Variants in PACRGL observed in about 807,000 individuals in gnomAD.
The protein encoded by PACRGL is PACRG-like protein.
Under a neutral mutation model 34.5 loss-of-function variants are expected in PACRGL, and 38 were observed. The ratio of observed to expected loss-of-function variants is 1.10; its 90% confidence interval spans 0.85 to 1.44. The LOEUF is 1.44. Ranked by LOEUF, PACRGL falls within the 40% of genes most tolerant of loss-of-function variation. The pLI, the probability that PACRGL is intolerant of heterozygous loss-of-function variation, is 0.00. For synonymous variants in PACRGL, 128 were observed against 100.1 expected, an observed-to-expected ratio of 1.28 and a Z score of -1.66; for missense variants, 305 against 281.4, an observed-to-expected ratio of 1.08 and a Z score of -0.60.
chr4:20,717,285 C>T (rs991902629), intron 7 of PACRGL, among the ~76,000 whole-genome samples: 5 of 152,048 alleles, frequency 3.3e-5, no homozygotes, highest in Admixed American at 6.6e-5. Flanking sequence ...CTGTAGGTTG[C>T]CTGTTCACTC....
At chr4:20,733,382 C>T (rs1560407886), downstream of PACRGL, among the ~76,000 whole-genome samples, 1 of 152,144 alleles carries the variant, frequency 6.6e-6, no homozygotes, top group Non-Finnish European at 1.5e-5. Context: ...TTTGCCTTAC[C>T]ACTTTCATTC....
chr4:20,699,732 T>A (rs1731513489), upstream of PACRGL, among the ~76,000 whole-genome samples: 1 of 152,128 alleles, frequency 6.6e-6, no homozygotes, highest in Non-Finnish European at 1.5e-5. Context: ...GGCTTGGACT[T>A]AACTATGACA....
chr4:20,712,745 A>T, intron 5 of PACRGL, 43 bp from the exon 6 acceptor site: 1 of 1,363,190 alleles, frequency 7.3e-7, no homozygotes, highest in Non-Finnish European at 9.6e-7. Flanking sequence ...TATTAGCATA[A>T]TGAAATGGGT....
At chr4:20,696,986 T>C (rs1394889665), upstream of PACRGL, among the ~76,000 whole-genome samples, 1 of 152,238 alleles carries the variant, frequency 6.6e-6, no homozygotes, top group African/African-American at 2.4e-5. Flanking sequence ...ACATGATTCT[T>C]TCCACCTTTA....
At chr4:20,755,777 T>C (rs181711243), downstream of PACRGL, among the ~76,000 whole-genome samples, 373 of 152,118 alleles carry the variant, frequency 2.5e-3, 1 homozygote, top group African/African-American at 8.5e-3. Flanking sequence ...GAGATAGATA[T>C]TTGGGAGAAG....
intron 8 of PACRGL, among the ~76,000 whole-genome samples, 188 bp downstream of exon 8, chr4:20,725,076 C>T (rs1443000870): frequency 2.0e-5 from 3 of 152,070 alleles, no homozygotes; most frequent in East Asian, 1.9e-4. Flanking sequence ...TCAAGCCCTG[C>T]GACTCAGACC....
rs957508067 is a variant in PACRGL, at chr4:20,730,456, G to A, written c.*3115G>A. Reference sequence around the variant, plus strand: ...TACAGAGGTGCAGAGGTGTGTCAAAGCAAATGAGAATTTTGGCATTCTATG... The same window carrying A: ...TACAGAGGTGCAGAGGTGTGTCAAAACAAATGAGAATTTTGGCATTCTATG... On this transcript the variant is annotated 3_prime_UTR_variant, in exon 9 of 9. Transcript: ENST00000503585. Among the ~76,000 whole-genome samples, 1 of 151,862 alleles carries A rather than the reference G, an allele frequency of 6.6e-6. No individual in the cohort carries two copies. Among genetic ancestry groups the A allele is most frequent in the Non-Finnish European group, 1.5e-5 (1 of 68,018 alleles).
At chr4:20,725,473 A>G (rs1745264736) in intron 8 of PACRGL, among the ~76,000 whole-genome samples, 2 of 152,200 alleles carry the variant, frequency 1.3e-5, no homozygotes, top group Non-Finnish European at 2.9e-5. Context: ...GTATGGTGTC[A>G]GATTACTAGA....
chr4:20,723,933 C>G (rs913755314), intron 7 of PACRGL, among the ~76,000 whole-genome samples: 13 of 152,268 alleles, frequency 8.5e-5, no homozygotes, highest in Middle Eastern at 3.4e-3. Flanking sequence ...ATCGGATCCC[C>G]TTCGTCCCTC....
chr4:20,732,068 T>C lies in PACRGL; in HGVS notation c.*4727T>C, dbSNP rs1340470997. On this transcript the variant is annotated 3_prime_UTR_variant, in exon 9 of 9. Coordinates refer to ENST00000503585, the MANE Select transcript of PACRGL (RefSeq NM_001258345.3). ...ACCCCATCTTTATTTTTGTCCATTT[T>C]CTGTTCAGGAAGAAAACAAAAATTG... The C allele has an allele frequency of 6.3e-7, 1 of 1,593,424 alleles. No homozygotes were observed. The highest frequency in any genetic ancestry group is 8.5e-7 in the Non-Finnish European group (1 of 1,172,328).
rs1310604767 is a variant in PACRGL at position 20,710,806 on chromosome 4, A to C, written c.366+1033A>C. Among the ~76,000 whole-genome samples the C allele has an allele frequency of 4.2e-5, 6 of 144,112 alleles. No homozygotes were observed. The South Asian group carries it at 1.3e-3, about 32-fold the overall frequency. 94.5% of individuals were successfully genotyped at this position (144,112 alleles called of 152,430 possible). On this transcript the variant is annotated intron_variant, in intron 5 of 8. Coordinates refer to ENST00000503585, the MANE Select transcript of PACRGL (RefSeq NM_001258345.3). Reference sequence around the variant, plus strand: ...TAACCAGTTACTAGCAAAAACTATAAGTTTTTGTTTTTCTTAATTTATTGC... The same window carrying C: ...TAACCAGTTACTAGCAAAAACTATACGTTTTTGTTTTTCTTAATTTATTGC...
chr4:20,700,236 G>A (rs1731582812), upstream of PACRGL, among the ~76,000 whole-genome samples: 1 of 152,206 alleles, frequency 6.6e-6, no homozygotes, highest in African/African-American at 2.4e-5. Flanking sequence ...CTGCTCTCCG[G>A]ACCTCTTATT....
At chr4:20,738,927 A>C (rs904462899) in intron 8 of PACRGL, among the ~76,000 whole-genome samples, 8 of 152,228 alleles carry the variant, frequency 5.3e-5, no homozygotes, top group African/African-American at 1.9e-4. Context: ...CAAACGGCAC[A>C]CCAGGAGATT....
chr4:20,730,077 A>G lies in PACRGL; in HGVS notation c.*2736A>G. The G allele has an allele frequency of 1.2e-6, 2 of 1,607,696 alleles. No individual in the cohort carries two copies. Among genetic ancestry groups the G allele is most frequent in the Non-Finnish European group, 1.7e-6 (2 of 1,177,856 alleles). Reference sequence around the variant, plus strand: ...GTCTGTTGGATTCAGGATCTATTTGACAAGTTAAATCACATTTTCAAAGAG... The same window carrying G: ...GTCTGTTGGATTCAGGATCTATTTGGCAAGTTAAATCACATTTTCAAAGAG... On this transcript the variant is annotated 3_prime_UTR_variant, in exon 9 of 9. Coordinates refer to ENST00000503585, the MANE Select transcript of PACRGL (RefSeq NM_001258345.3).
At chr4:20,756,172 TAAAA>T (rs61417409), downstream of PACRGL, among the ~76,000 whole-genome samples, 4 of 139,310 alleles carry the variant, frequency 2.9e-5, no homozygotes, top group Non-Finnish European at 6.3e-5. Context: ...TGGAAAGTAG[TAAAA>T]AAAAAAAAAG....
At position 20,727,424 on chromosome 4, in the gene PACRGL, T is replaced by C; in HGVS notation, c.*83T>C. ...TGGGTACTCATTTATTTTATTCTTT[T>C]GTAAATCACAGCCACCATTCATTAT... On this transcript the variant is annotated 3_prime_UTR_variant, in exon 9 of 9. Transcript: ENST00000503585. 8.7e-7 allele frequency: 1 copy of C among 1,151,164 alleles called. No individual in the cohort carries two copies. Among genetic ancestry groups the C allele is most frequent in the South Asian group, 1.3e-5 (1 of 76,558 alleles). 71.3% of individuals were successfully genotyped at this position (1,151,164 alleles called of 1,614,324 possible).
At chr4:20,703,484 GTGTGTGTGTGTGTGTGTGTGTGTGTGTT>G (rs1227903667) in intron 1 of PACRGL, among the ~76,000 whole-genome samples, 1 of 133,402 alleles carries the variant, frequency 7.5e-6, no homozygotes, top group Admixed American at 7.7e-5. Context: ...ATGAGTGTGT[GTGTGTGTGTGTGTGTGTGTGTGTGTGTT>G]TGTGTGTGTG....
intron 7 of PACRGL, among the ~76,000 whole-genome samples, chr4:20,720,636 G>A (rs942372700): frequency 2.6e-5 from 4 of 152,168 alleles, no homozygotes; most frequent in Non-Finnish European, 1.5e-5. Context: ...TTTTCTTTAA[G>A]GATGTTGAAT....
intron 8 of PACRGL, among the ~76,000 whole-genome samples, chr4:20,748,587 T>C (rs1225447759): frequency 1.1e-5 from 1 of 87,024 alleles, no homozygotes; most frequent in Non-Finnish European, 2.7e-5. Context: ...TATATATATA[T>C]ATATATATAT....
Sources: gnomAD v4.1 joint callset for allele counts (sites outside exome capture counted in the v4.1 genomes callset) on GRCh38, gnomAD v4.1.1 for gene constraint, MANE v1.5 for transcripts, NCBI Gene and HGNC (gene_info 2026-07-23, HGNC 2026-07-21) for gene names.